KCNJ6: variants seen among roughly 807,000 people sequenced by gnomAD.
KCNJ6 encodes potassium inwardly rectifying channel subfamily J member 6, also known as G protein-activated inward rectifier potassium channel 2.
Under a neutral mutation model 34.2 loss-of-function variants are expected in KCNJ6, and 9 were observed. The observed-to-expected ratio is 0.26, with a 90% CI of 0.16 to 0.46. The LOEUF (loss-of-function observed/expected upper bound fraction) is 0.46. Ranked by LOEUF, KCNJ6 falls within the 20% of genes least tolerant of loss-of-function variation. The pLI, the probability that KCNJ6 is intolerant of heterozygous loss-of-function variation, is 1.00. For missense variants in KCNJ6, 236 were observed against 531.3 expected (o/e 0.44, Z 5.46); for synonymous variants, 196 against 207.1 (o/e 0.95, Z 0.46).
intron 2 of KCNJ6, among the ~76,000 whole-genome samples, chr21:37,793,218 T>C (rs896435557): frequency 6.6e-6 from 1 of 152,220 alleles, no homozygotes; most frequent in African/African-American, 2.4e-5. Context: ...AAAGGCTGAC[T>C]TCTCATGGCT....
chr21:37,832,328 G>A (rs1488300000), intron 2 of KCNJ6, among the ~76,000 whole-genome samples: 2 of 151,514 alleles, frequency 1.3e-5, no homozygotes, highest in Admixed American at 6.6e-5. Context: ...CTTTTGTCCC[G>A]GGGGATAAAG....
intron 2 of KCNJ6, among the ~76,000 whole-genome samples, chr21:37,792,187 T>C (rs563246271): frequency 1.1e-4 from 17 of 152,304 alleles, no homozygotes; most frequent in African/African-American, 3.4e-4. Context: ...GGGCTGCAAA[T>C]GCTTGTGCAT....
chr21:37,660,518 C>G (rs758257174), intron 3 of KCNJ6, among the ~76,000 whole-genome samples: 2 of 152,166 alleles, frequency 1.3e-5, no homozygotes, highest in South Asian at 4.1e-4. Flanking sequence ...CCTTTAATGA[C>G]CTTGCCCCTT....
chr21:37,860,278 T>A (rs996716961), intron 1 of KCNJ6, among the ~76,000 whole-genome samples: 15 of 152,194 alleles, frequency 9.9e-5, no homozygotes, highest in Admixed American at 5.9e-4. Context: ...CCAACTTGAG[T>A]TTGAGCTCCT....
At chr21:37,689,689 A>G (rs1240131690) in intron 3 of KCNJ6, among the ~76,000 whole-genome samples, 1 of 152,206 alleles carries the variant, frequency 6.6e-6, no homozygotes, top group African/African-American at 2.4e-5. Flanking sequence ...TGAGTATCAG[A>G]CAAATGACAT....
intron 3 of KCNJ6, among the ~76,000 whole-genome samples, chr21:37,699,029 A>G (rs944039912): frequency 6.6e-6 from 1 of 152,170 alleles, no homozygotes; most frequent in South Asian, 2.1e-4. Flanking sequence ...GTTAAAAAAA[A>G]ATCCAAAGTG....
At chr21:37,785,247 T>TTG (rs908293031) in intron 2 of KCNJ6, among the ~76,000 whole-genome samples, 1 of 152,224 alleles carries the variant, frequency 6.6e-6, no homozygotes, top group Non-Finnish European at 1.5e-5. Flanking sequence ...ATGTGACTTT[T>TTG]TGTGCCCAAG....
In KCNJ6 at chr21:37,804,096, A is replaced by G. The variant is rs1181474428; in HGVS notation, c.25+36562T>C. Among the ~76,000 whole-genome samples, 4 of 152,244 alleles carry G rather than the reference A, an allele frequency of 2.6e-5. No individual in the cohort carries two copies. The East Asian group carries it at 7.7e-4, about 29-fold the overall frequency. ...GATATTAAAATCTGCCATGAGCACC[A>G]GAAAAGATGCATCGTTAGTCACTAG... On this transcript the variant is annotated intron_variant, in intron 2 of 3. Coordinates refer to ENST00000609713, the MANE Select transcript of KCNJ6 (RefSeq NM_002240.5).
chr21:37,792,176 T>C (rs1366731889), intron 2 of KCNJ6, among the ~76,000 whole-genome samples: 1 of 152,232 alleles, frequency 6.6e-6, no homozygotes, highest in Non-Finnish European at 1.5e-5. Flanking sequence ...CTTCAGCCCA[T>C]GGGCTGCAAA....
rs559531955 is a variant in KCNJ6 at position 37,687,369 on chromosome 21, C to A, written c.946+26842G>T. Among the ~76,000 whole-genome samples, 3 of 152,236 alleles carry A rather than the reference C, an allele frequency of 2.0e-5. No individual in the cohort carries two copies. In the East Asian group the frequency reaches 5.8e-4, roughly 29 times the overall value. ...GGCCAGAAATCTTTCTAAACTGTGG[C>A]AGCCGCTTCCCTTTCTTCACAAGCA... is the stretch of plus-strand genomic sequence containing the variant. On this transcript the variant is annotated intron_variant, in intron 3 of 3. Coordinates refer to ENST00000609713, the MANE Select transcript of KCNJ6 (RefSeq NM_002240.5).
At chr21:37,698,416 T>C (rs1016664374) in intron 3 of KCNJ6, among the ~76,000 whole-genome samples, 28 of 152,266 alleles carry the variant, frequency 1.8e-4, no homozygotes, top group Non-Finnish European at 4.4e-5. Flanking sequence ...GGGGGGCTCA[T>C]GGTCTTCCTG....
At chr21:37,626,069 C>A (rs1010650155) in intron 3 of KCNJ6, among the ~76,000 whole-genome samples, 1 of 152,202 alleles carries the variant, frequency 6.6e-6, no homozygotes, top group African/African-American at 2.4e-5. Flanking sequence ...TTTACTTAGG[C>A]CCAGTGGTCA....
rs973978810 is a variant in KCNJ6 at position 37,614,317 on chromosome 21, T to C, written c.*10842A>G. ...TCTTAAGGCTTTGATTTCTGGAAAT[T>C]TACTTTTGTGGTGTCACTCATAACT... On this transcript the variant is annotated 3_prime_UTR_variant, in exon 4 of 4. Coordinates refer to ENST00000609713, the MANE Select transcript of KCNJ6 (RefSeq NM_002240.5). 2.0e-5 allele frequency: 3 copies of C among 152,102 alleles called. No homozygotes were observed. The highest frequency in any genetic ancestry group is 4.4e-5 in the Non-Finnish European group (3 of 68,040). The allele number at this position is 152,102 out of a possible 1,614,324, so 9.4% of individuals were successfully genotyped here.
At chr21:37,880,654 G>A (rs1371381790) in intron 1 of KCNJ6, among the ~76,000 whole-genome samples, 4 of 152,192 alleles carry the variant, frequency 2.6e-5, no homozygotes, top group African/African-American at 9.7e-5. Context: ...TTCTGTTACC[G>A]CCCTTCAAAG....
intron 2 of KCNJ6, among the ~76,000 whole-genome samples, chr21:37,802,798 G>C (rs2055275411): frequency 6.6e-6 from 1 of 152,170 alleles, no homozygotes; most frequent in Non-Finnish European, 1.5e-5. Context: ...CATTTTAAGG[G>C]TCACGTGAGA....
rs539919791 is a variant in KCNJ6, at chr21:37,882,393, G to C, written c.-28+33491C>G. 2.6e-5 allele frequency among the ~76,000 whole-genome samples: 4 copies of C among 152,270 alleles called. No homozygotes were observed. The South Asian group carries it at 8.3e-4, about 32-fold the overall frequency. On this transcript the variant is annotated intron_variant, in intron 1 of 3. Transcript: ENST00000609713. ...TAGTTTCATAAACCTTATCCACAGA[G>C]GGCGATGAAAACTACAGCACATGGG...
intron 2 of KCNJ6, among the ~76,000 whole-genome samples, chr21:37,829,967 G>C (rs574626209): frequency 6.6e-6 from 1 of 152,176 alleles, no homozygotes; most frequent in African/African-American, 2.4e-5. Context: ...TGACACTCTC[G>C]TTCCATGTTC....
chr21:37,778,433 C>T (rs746615839), intron 2 of KCNJ6, among the ~76,000 whole-genome samples: 6 of 150,000 alleles, frequency 4.0e-5, no homozygotes, highest in South Asian at 2.2e-4. Context: ...GTTCTGGAGG[C>T]GTTTCTCTTA....
At chr21:37,688,817 T>C (rs2054626921) in intron 3 of KCNJ6, among the ~76,000 whole-genome samples, 1 of 152,208 alleles carries the variant, frequency 6.6e-6, no homozygotes, top group African/African-American at 2.4e-5. Context: ...CTCTTAGTTG[T>C]ACTATTTTGA....
Sources: allele counts gnomAD v4.1 joint callset (sites outside exome capture counted in the v4.1 genomes callset), GRCh38; gene constraint gnomAD v4.1.1; transcripts MANE v1.5; gene names NCBI Gene and HGNC (gene_info 2026-07-23, HGNC 2026-07-21).